SLC14A2: variants seen among roughly 807,000 people sequenced by gnomAD.
SLC14A2 encodes urea transporter 2.
SLC14A2 carries 91 observed loss-of-function variants against 104.6 expected under a neutral mutation model. The ratio of observed to expected loss-of-function variants is 0.87; its 90% CI spans 0.73 to 1.04. SLC14A2 has a LOEUF of 1.04. Ranked by LOEUF, SLC14A2 falls within the 50% of genes least tolerant of loss-of-function variation. The probability of loss-of-function intolerance (pLI) is 0.00; values close to 1 mark genes in which losing one functional copy is unlikely to be tolerated. For missense variants in SLC14A2, 1,189 were observed against 1,156.0 expected, an observed-to-expected ratio of 1.03 and a Z score of -0.41; for synonymous variants, 476 against 466.4, an observed-to-expected ratio of 1.02 and a Z score of -0.27.
chr18:45,314,065 C>G (rs1005858785), intron 1 of SLC14A2, among the ~76,000 whole-genome samples: 3 of 152,224 alleles, frequency 2.0e-5, no homozygotes, highest in Non-Finnish European at 4.4e-5. Context: ...AGGCCTGACA[C>G]AGTGTGTCTT....
At chr18:45,636,707 A>C (rs933079327) in intron 5 of SLC14A2, among the ~76,000 whole-genome samples, 7 of 152,208 alleles carry the variant, frequency 4.6e-5, no homozygotes, top group Non-Finnish European at 1.0e-4. Flanking sequence ...AAAGTGTTTT[A>C]CTCAAAATAA....
At chr18:45,259,095 G>A (rs577049913) in intron 1 of SLC14A2, among the ~76,000 whole-genome samples, 1 of 152,308 alleles carries the variant, frequency 6.6e-6, no homozygotes, top group African/African-American at 2.4e-5. Flanking sequence ...CAAATAGAAG[G>A]CAGTGGTTTT....
chr18:45,341,595 C>CTTTTTT (rs376534367), intron 1 of SLC14A2, among the ~76,000 whole-genome samples: 13 of 83,152 alleles, frequency 1.6e-4, no homozygotes, highest in Admixed American at 2.5e-4. Context: ...TCTAGTATTA[C>CTTTTTT]TTTTTTTTTT....
At chr18:45,313,819 G>A (rs1327625301) in intron 1 of SLC14A2, among the ~76,000 whole-genome samples, 5 of 152,096 alleles carry the variant, frequency 3.3e-5, no homozygotes, top group South Asian at 4.2e-4. Context: ...GAAGATTTTT[G>A]TCTCTGTGTA....
intron 1 of SLC14A2, among the ~76,000 whole-genome samples, chr18:45,372,704 C>T (rs1041246939): frequency 9.2e-5 from 14 of 152,164 alleles, no homozygotes; most frequent in African/African-American, 3.4e-4. Flanking sequence ...GCCAATAATC[C>T]ATGGACTGCA....
intron 2 of SLC14A2, among the ~76,000 whole-genome samples, chr18:45,510,589 C>T (rs768989410): frequency 2.0e-5 from 3 of 152,004 alleles, no homozygotes; most frequent in African/African-American, 4.8e-5. Context: ...TCCTGCCTCC[C>T]GAAAGTGATC....
At chr18:45,334,339 G>A (rs2085317690) in intron 1 of SLC14A2, among the ~76,000 whole-genome samples, 1 of 152,178 alleles carries the variant, frequency 6.6e-6, no homozygotes, top group South Asian at 2.1e-4. Context: ...AGGAAGCACT[G>A]GAGACATTGG....
At chr18:45,386,705 G>C (rs2085900995) in intron 1 of SLC14A2, among the ~76,000 whole-genome samples, 1 of 152,164 alleles carries the variant, frequency 6.6e-6, no homozygotes, top group Non-Finnish European at 1.5e-5. Context: ...CATAGACTTT[G>C]GGGCCAGGCC....
At chr18:45,334,299 C>T (rs12456693) in intron 1 of SLC14A2, among the ~76,000 whole-genome samples, 28,203 of 152,168 alleles carry the variant, frequency 0.19, 2,779 homozygotes, top group African/African-American at 0.24. Flanking sequence ...CCCTCCATTA[C>T]AAACACTTTA....
intron 1 of SLC14A2, among the ~76,000 whole-genome samples, chr18:45,403,318 C>A (rs2086116418): frequency 6.6e-6 from 1 of 152,154 alleles, no homozygotes; most frequent in Non-Finnish European, 1.5e-5. Flanking sequence ...TACAGTCACA[C>A]TGGGGATTAG....
At chr18:45,626,870 C>T (rs1227819070) in intron 3 of SLC14A2, 88 bp from the exon 4 acceptor site, 2 of 1,075,220 alleles carry the variant, frequency 1.9e-6, no homozygotes, top group Non-Finnish European at 2.7e-6. Flanking sequence ...TTGCACATTC[C>T]TGTTTGCCTT....
In SLC14A2 at chr18:45,307,072, A is replaced by C. The variant is rs149606882; in HGVS notation, c.-125+93881A>C. Among the ~76,000 whole-genome samples the C allele has an allele frequency of 7.5e-3, 1,134 of 152,052 alleles. 14 individuals carry two copies. Among genetic ancestry groups the C allele is most frequent in the African/African-American group, 0.025 (1,057 of 41,452 alleles). The stretch of plus-strand genomic sequence containing the variant: ...AAGACTTCTTCCTCTGCTCTCTGGA[A>C]CCTCCATCTTCTTGAGGGCATCAGT... On this transcript the variant is annotated intron_variant, in intron 1 of 20. Transcript: ENST00000586448.
chr18:45,633,552 G>T (rs767796505), intron 5 of SLC14A2, among the ~76,000 whole-genome samples: 7 of 152,196 alleles, frequency 4.6e-5, no homozygotes, highest in Non-Finnish European at 8.8e-5. Flanking sequence ...GGTCTATCAA[G>T]CATCTTGGGG....
chr18:45,644,623 C>T (rs536096968), intron 10 of SLC14A2, among the ~76,000 whole-genome samples: 11 of 152,004 alleles, frequency 7.2e-5, no homozygotes, highest in African/African-American at 2.7e-4. Flanking sequence ...GAGCTAGAGA[C>T]TAATGACCAC....
chr18:45,255,825 A>AC (rs2084471705), intron 1 of SLC14A2, among the ~76,000 whole-genome samples: 1 of 152,018 alleles, frequency 6.6e-6, no homozygotes, highest in African/African-American at 2.4e-5. Flanking sequence ...CACCCCCTGC[A>AC]CCCCCTTCAA....
chr18:45,428,883 G>C (rs2086473263), intron 1 of SLC14A2, among the ~76,000 whole-genome samples: 1 of 152,162 alleles, frequency 6.6e-6, no homozygotes, highest in South Asian at 2.1e-4. Context: ...CCCCACTATT[G>C]GTTCTAGATT....
intron 1 of SLC14A2, among the ~76,000 whole-genome samples, chr18:45,388,220 G>A (rs998636031): frequency 1.9e-4 from 29 of 151,628 alleles, no homozygotes; most frequent in East Asian, 3.9e-4. Context: ...CTGCCAACAC[G>A]CCCGGCTAAT....
rs149479199 is a variant in SLC14A2 at position 45,474,404 on chromosome 18, G to A, written c.-124-8829G>A. On this transcript the variant is annotated intron_variant, in intron 1 of 20. Transcript: ENST00000586448. ...ATGTTGGCCCAGTAAAATGAGTTAGGGAGGGGTCCCTCTTTTCCTACTGTT... is the reference window on the plus strand; with the variant it reads ...ATGTTGGCCCAGTAAAATGAGTTAGAGAGGGGTCCCTCTTTTCCTACTGTT... Among the ~76,000 whole-genome samples, 16 of 152,284 alleles carry A rather than the reference G, an allele frequency of 1.1e-4. No homozygotes were observed. In the East Asian group the frequency reaches 2.7e-3, roughly 26 times the overall value.
At chr18:45,548,729 C>T (rs986069446) in intron 2 of SLC14A2, among the ~76,000 whole-genome samples, 1 of 152,192 alleles carries the variant, frequency 6.6e-6, no homozygotes, top group African/African-American at 2.4e-5. Context: ...ACATAGTTTA[C>T]AGCTACCCGG....
Sources: allele counts gnomAD v4.1 joint callset (sites outside exome capture counted in the v4.1 genomes callset), GRCh38; gene constraint gnomAD v4.1.1; transcripts MANE v1.5; gene names NCBI Gene and HGNC (gene_info 2026-07-23, HGNC 2026-07-21).